The following MAP4K5 variants were observed in gnomAD, a reference collection of about 807,000 sequenced individuals.
MAP4K5 encodes the protein mitogen-activated protein kinase kinase kinase kinase 5.
MAP4K5 carries 82 observed loss-of-function variants against 135.6 expected under a neutral mutation model. The observed-to-expected ratio is 0.60, with a 90% CI of 0.51 to 0.73. MAP4K5 has a LOEUF of 0.73. Ranked by LOEUF, MAP4K5 falls within the 30% of genes least tolerant of loss-of-function variation. The probability of loss-of-function intolerance (pLI) is 0.00; values close to 1 mark genes in which losing one functional copy is unlikely to be tolerated. For missense variants in MAP4K5, 907 were observed against 1,010.9 expected (o/e 0.90, Z 1.39); for synonymous variants, 347 against 335.0 (o/e 1.04, Z -0.39).
intron 14 of MAP4K5, chr14:50,449,688 G>T (rs911324416): frequency 3.2e-4 from 48 of 151,934 alleles, no homozygotes; most frequent in African/African-American, 1.1e-3. Flanking sequence ...TAAAAGTTTA[G>T]AAGACATTCC....
At chr14:50,500,014 G>A (rs1348197576) in intron 3 of MAP4K5, among the ~76,000 whole-genome samples, 2 of 152,202 alleles carry the variant, frequency 1.3e-5, no homozygotes, top group Admixed American at 6.5e-5. Context: ...TTTGAGGGTA[G>A]AGGGAGAAGA....
chr14:50,499,797 T>C (rs1475293935), intron 3 of MAP4K5, among the ~76,000 whole-genome samples: 7 of 152,198 alleles, frequency 4.6e-5, no homozygotes, highest in South Asian at 4.1e-4. Flanking sequence ...AAGCAGCTCA[T>C]TGTGTCTCAG....
At chr14:50,459,188 A>G (rs2036657054) in intron 13 of MAP4K5, among the ~76,000 whole-genome samples, 1 of 152,168 alleles carries the variant, frequency 6.6e-6, no homozygotes, top group African/African-American at 2.4e-5. Context: ...AGACTTTTCC[A>G]TTTGGAAGTT....
upstream of MAP4K5, among the ~76,000 whole-genome samples, chr14:50,533,863 C>T (rs2038456734): frequency 6.6e-6 from 1 of 152,184 alleles, no homozygotes; most frequent in Non-Finnish European, 1.5e-5. Context: ...CTTAACAGGA[C>T]AGGGCATATA....
chr14:50,526,495 C>T (rs1326179545), intron 2 of MAP4K5, among the ~76,000 whole-genome samples: 3 of 152,144 alleles, frequency 2.0e-5, no homozygotes, highest in African/African-American at 4.8e-5. Flanking sequence ...GGGGTTTTGC[C>T]ATGTTGGCCA....
At chr14:50,461,237 C>A (rs1418167923) in intron 13 of MAP4K5, among the ~76,000 whole-genome samples, 3 of 151,852 alleles carry the variant, frequency 2.0e-5, no homozygotes, top group Non-Finnish European at 2.9e-5. Flanking sequence ...ACCATGTTGG[C>A]CAGCTGGTCT....
chr14:50,538,528 A>G (rs1265146267), intron 2 of MAP4K5, among the ~76,000 whole-genome samples: 3 of 152,242 alleles, frequency 2.0e-5, no homozygotes, highest in Non-Finnish European at 4.4e-5. Context: ...CAGATTACAA[A>G]TAATCTTACA....
At chr14:50,521,530 A>T (rs1248873313) in intron 2 of MAP4K5, among the ~76,000 whole-genome samples, 2 of 152,228 alleles carry the variant, frequency 1.3e-5, no homozygotes, top group African/African-American at 4.8e-5. Context: ...AATAGGGATG[A>T]TAGCACATCT....
chr14:50,477,417 TAA>T (rs1302753681), intron 6 of MAP4K5, among the ~76,000 whole-genome samples: 3 of 152,218 alleles, frequency 2.0e-5, no homozygotes, highest in Non-Finnish European at 4.4e-5. Context: ...GGTCTGTGAA[TAA>T]AGAGAGTTGT....
upstream of MAP4K5, among the ~76,000 whole-genome samples, chr14:50,536,564 G>A (rs1459362003): frequency 1.3e-5 from 2 of 152,152 alleles, no homozygotes; most frequent in Admixed American, 6.5e-5. Context: ...GAGCTCAGAA[G>A]AAGACAGGAA....
At chr14:50,503,734 G>A (rs1171436437) in intron 3 of MAP4K5, among the ~76,000 whole-genome samples, 1 of 151,994 alleles carries the variant, frequency 6.6e-6, no homozygotes. Context: ...CAAGCCCACT[G>A]CACTCGCTTA....
At chr14:50,437,231 T>C (rs1034046490) in intron 26 of MAP4K5, among the ~76,000 whole-genome samples, 3 of 152,152 alleles carry the variant, frequency 2.0e-5, no homozygotes, top group African/African-American at 4.8e-5. Context: ...AGATACAGCC[T>C]CAGGGACTAT....
intron 1 of MAP4K5, among the ~76,000 whole-genome samples, chr14:50,554,993 G>C (rs2038747662): frequency 6.6e-6 from 1 of 152,140 alleles, no homozygotes. Context: ...TCTTCGTTTA[G>C]TATTAGACCC....
chr14:50,443,652 G>GTATATTGATAGCCAA, intron 20 of MAP4K5, 77 bp downstream of exon 20: 1 of 1,185,000 alleles, frequency 8.4e-7, no homozygotes, highest in Non-Finnish European at 1.2e-6. Flanking sequence ...AAAGGCTCAA[G>GTATATTGATAGCCAA]TATATTGATA....
intron 1 of MAP4K5, among the ~76,000 whole-genome samples, chr14:50,545,834 T>C (rs2038624474): frequency 6.6e-6 from 1 of 152,166 alleles, no homozygotes; most frequent in African/African-American, 2.4e-5. Context: ...CGCCAGCTGG[T>C]TACATATTAT....
At chr14:50,446,995 C>T (rs924337063) in intron 16 of MAP4K5, among the ~76,000 whole-genome samples, 1 of 152,060 alleles carries the variant, frequency 6.6e-6, no homozygotes, top group African/African-American at 2.4e-5. Context: ...ATGTATAGGC[C>T]TAATGTGGGA....
chr14:50,443,664 C>T, intron 20 of MAP4K5, 65 bp downstream of exon 20: 1 of 1,309,786 alleles, frequency 7.6e-7, no homozygotes, highest in South Asian at 1.6e-5. Context: ...ATATTGATAG[C>T]CAATATATTG....
chr14:50,515,440 C>G (rs944618555), intron 2 of MAP4K5, among the ~76,000 whole-genome samples: 2 of 152,186 alleles, frequency 1.3e-5, no homozygotes, highest in East Asian at 1.9e-4. Flanking sequence ...CAATGCATTT[C>G]TCCATGACCA....
At chr14:50,483,198 C>T (rs2037289930) in intron 5 of MAP4K5, 2 of 152,142 alleles carry the variant, frequency 1.3e-5, no homozygotes, top group South Asian at 2.1e-4. Context: ...CTTTACCACA[C>T]CTATCAAAAG....
Sources: allele counts gnomAD v4.1 joint callset (sites outside exome capture counted in the v4.1 genomes callset), GRCh38; gene constraint gnomAD v4.1.1; transcripts MANE v1.5; gene names NCBI Gene and HGNC (gene_info 2026-07-23, HGNC 2026-07-21).